MYPN: variants seen among roughly 807,000 people sequenced by gnomAD.
MYPN encodes the protein myopalladin, also known as sarcomeric protein myopalladin, 145 kDa (MYOP).
A neutral mutation model predicts 129.4 loss-of-function variants in MYPN; 63 were observed. The observed-to-expected ratio is 0.49, with a 90% confidence interval of 0.40 to 0.60. The LOEUF is 0.60. MYPN is among the 20% of genes least tolerant of loss of function. MYPN has a pLI of 0.00. For synonymous variants in MYPN, 629 were observed against 600.9 expected, an observed-to-expected ratio of 1.05 and a Z score of -0.68; for missense variants, 1,596 against 1,635.4, an observed-to-expected ratio of 0.98 and a Z score of 0.42.
chr10:68,098,328 C>T (rs1213677043), intron 1 of MYPN, among the ~76,000 whole-genome samples: 1 of 152,070 alleles, frequency 6.6e-6, no homozygotes, highest in Non-Finnish European at 1.5e-5. Context: ...CTGATCGTGG[C>T]ACTTGGAAAC....
intron 2 of MYPN, among the ~76,000 whole-genome samples, chr10:68,132,859 G>T (rs1235533208): frequency 2.0e-5 from 3 of 152,108 alleles, no homozygotes; most frequent in Admixed American, 6.5e-5. Context: ...AGTAAGAGCA[G>T]TTTGACAGGG....
chr10:68,189,125 A>G lies in MYPN; in HGVS notation c.2924A>G (p.Lys975Arg), dbSNP rs200507694. The change falls in exon 13 of 20, where the codon AAG (lysine) becomes AGG (arginine). Residue 975 changes from lysine to arginine, a missense_variant and splice_region_variant. Coordinates refer to ENST00000358913, the MANE Select transcript of MYPN (RefSeq NM_032578.4). ...TCKIVGIPVPKVYWFKDGKQI... is the reference protein window; with the variant it reads ...TCKIVGIPVPRVYWFKDGKQI... Reference sequence around the variant, plus strand: ...AAAATTGTTGGGATACCTGTTCCAAAGGTAGGGAAGATGACAAGCCAGTTG... The same window carrying G: ...AAAATTGTTGGGATACCTGTTCCAAGGGTAGGGAAGATGACAAGCCAGTTG... The G allele has an allele frequency of 1.1e-5, 17 of 1,612,720 alleles. No individual in the cohort carries two copies. Among genetic ancestry groups the G allele is most frequent in the African/African-American group, 1.3e-5 (1 of 74,910 alleles).
chr10:68,148,501 C>T, intron 5 of MYPN, 34 bp downstream of exon 5: 3 of 1,535,192 alleles, frequency 2.0e-6, no homozygotes, highest in Non-Finnish European at 1.8e-6. Flanking sequence ...AAGTGCCATC[C>T]ACTGTGACAG....
In MYPN at chr10:68,201,956, A is replaced by G; in HGVS notation, c.3621A>G (p.Lys1207=). ...CCCCACCTGTGTTCTACTGGAAGAAAGACAATGAGACCATCCCTTGCACCA... is the reference window on the plus strand; with the variant it reads ...CCCCACCTGTGTTCTACTGGAAGAAGGACAATGAGACCATCCCTTGCACCA... ...GMPPPVFYWK[K]DNETIPCTRE... Residue 1207 remains lysine, a synonymous_variant, in exon 18 of 20, where the codon AAA becomes AAG. Transcript: ENST00000358913. 3.7e-6 allele frequency: 6 copies of G among 1,614,102 alleles called. No individual in the cohort carries two copies. The highest frequency in any genetic ancestry group is 5.1e-6 in the Non-Finnish European group (6 of 1,180,004).
At chr10:68,122,382 C>A in intron 2 of MYPN, 42 bp downstream of exon 2, 1 of 1,595,262 alleles carries the variant, frequency 6.3e-7, no homozygotes, top group South Asian at 1.1e-5. Context: ...TGTTGCTTTC[C>A]ATCTACCATG....
chr10:68,121,965 G>T lies in MYPN; in HGVS notation c.527G>T (p.Arg176Leu). 2 of 1,614,146 alleles carry T rather than the reference G, an allele frequency of 1.2e-6. No individual in the cohort carries two copies. The highest frequency in any genetic ancestry group is 1.7e-6 in the Non-Finnish European group (2 of 1,180,034). ...KSHSSKRIRP[R>L]ACKNHKSKLE... Reference sequence around the variant, plus strand: ...CACAGCTCCAAAAGGATTAGACCTCGTGCCTGCAAAAACCACAAGAGTAAA... The same window carrying T: ...CACAGCTCCAAAAGGATTAGACCTCTTGCCTGCAAAAACCACAAGAGTAAA... The change falls in exon 2 of 20, where the codon CGT becomes CTT. Residue 176 changes from arginine (R) to leucine (L), a missense_variant. Coordinates refer to ENST00000358913, the MANE Select transcript of MYPN (RefSeq NM_032578.4).
In MYPN at chr10:68,210,745, C is replaced by T. The variant is rs150489652; in HGVS notation, c.*290C>T. 1.6e-3 allele frequency: 856 copies of T among 520,526 alleles called. 7 individuals are homozygous for T. The highest frequency in any genetic ancestry group is 0.015 in the African/African-American group (763 of 52,608). 32.2% of individuals were successfully genotyped at this position (520,526 alleles called of 1,614,324 possible). A position where few individuals can be genotyped will look rare whatever the true frequency, so the allele number is the denominator to read the frequency against. ...TGCTTTGGGAAAAAACTAGCATGCT[C>T]CCCTGCTCCCTGTTGTGTTAGGGAT... On this transcript the variant is annotated 3_prime_UTR_variant, in exon 20 of 20. Transcript: ENST00000358913.
intron 6 of MYPN, among the ~76,000 whole-genome samples, chr10:68,156,728 T>G (rs1212151754): frequency 6.6e-6 from 1 of 152,214 alleles, no homozygotes; most frequent in African/African-American, 2.4e-5. Flanking sequence ...AGACAAGAAC[T>G]GTAAAAAATA....
chr10:68,194,206 A>T lies in MYPN; in HGVS notation c.2926-157A>T, dbSNP rs2043564175. ...GTACGAGTGGAGGGGCATATTATACAGCCATTTTTAATATGTTTTATAACT... is the reference window on the plus strand; with the variant it reads ...GTACGAGTGGAGGGGCATATTATACTGCCATTTTTAATATGTTTTATAACT... On this transcript the variant is annotated intron_variant, in intron 13 of 19. Transcript: ENST00000358913. Among the ~76,000 whole-genome samples the T allele has an allele frequency of 2.0e-5, 3 of 152,288 alleles. No individual in the cohort carries two copies. In the South Asian group the frequency reaches 6.2e-4, roughly 32 times the overall value.
chr10:68,200,850 C>T (rs919376643), intron 17 of MYPN, among the ~76,000 whole-genome samples: 9 of 152,066 alleles, frequency 5.9e-5, no homozygotes, highest in Admixed American at 6.6e-5. Context: ...CTTTTTCCTT[C>T]CCTCACTTTT....
intron 18 of MYPN, 123 bp from the exon 19 acceptor site, chr10:68,206,647 A>C: frequency 7.6e-7 from 1 of 1,323,536 alleles, no homozygotes. Context: ...GACGTCTTCC[A>C]CCTTCAAATT....
chr10:68,115,163 G>T (rs1456941804), intron 1 of MYPN, among the ~76,000 whole-genome samples: 1 of 151,460 alleles, frequency 6.6e-6, no homozygotes, highest in Non-Finnish European at 1.5e-5. Context: ...GGAGGCTGAG[G>T]CAGGTGAGTT....
chr10:68,206,907 A>C lies in MYPN; in HGVS notation c.3793+4A>C. 1 of 1,614,146 alleles carries C rather than the reference A, an allele frequency of 6.2e-7. No individual in the cohort carries two copies. The highest frequency in any genetic ancestry group is 1.7e-4 in the Middle Eastern group (1 of 6,056). ...ACTGCCAGGCTGGATATATACGGTA[A>C]GTGTAATGCTGTTAGTTGAACATCT... On this transcript the variant is annotated splice_donor_region_variant and intron_variant, in intron 19 of 19. Transcript: ENST00000358913.
rs141031460 is a variant in MYPN at position 68,161,735 on chromosome 10, G to A, written c.1466G>A (p.Arg489Gln). ...PDFRILQKKP[R>Q]SMAEPEEICT... The stretch of plus-strand genomic sequence containing the variant: ...TTACTTTCTTTTCTTTTAGAACCTC[G>A]ATCCATGGCAGAGCCAGGTAAAGAT... The change falls in exon 8 of 20, where the codon CGA (arginine) becomes CAA (glutamine). Residue 489 changes from arginine (R) to glutamine (Q), a missense_variant. Physicochemically the swap from Arg to Gln is conservative, Grantham distance 43. Transcript: ENST00000358913. 141 of 1,610,950 alleles carry A rather than the reference G, an allele frequency of 8.8e-5. No homozygotes were observed. Among genetic ancestry groups the A allele is most frequent in the Middle Eastern group, 5.0e-4 (3 of 6,036 alleles).
rs769175475 is a variant in MYPN at position 68,150,066 on chromosome 10, G to A, written c.1272G>A (p.Gln424=). Reference sequence around the variant, plus strand: ...GTCAGAGCCCCACCAATTACTTGCAGGGATTGGATGGAAAACCTATCATTG... The same window carrying A: ...GTCAGAGCCCCACCAATTACTTGCAAGGATTGGATGGAAAACCTATCATTG... ...QQCQSPTNYL[Q]GLDGKPIIAA... The change falls in exon 6 of 20, where the codon CAG becomes CAA. Residue 424 remains glutamine (Q), a synonymous_variant. Transcript: ENST00000358913. The A allele has an allele frequency of 4.3e-6, 7 of 1,613,914 alleles. 1 individual carries two copies. In the Admixed American group the frequency reaches 1.0e-4, roughly 23 times the overall value.
chr10:68,132,907 G>A (rs1299984430), intron 2 of MYPN, among the ~76,000 whole-genome samples: 1 of 152,014 alleles, frequency 6.6e-6, no homozygotes. Flanking sequence ...TAGTTTAGCA[G>A]TGAAAAGGGC....
chr10:68,184,093 T>C (rs150079714), intron 12 of MYPN, among the ~76,000 whole-genome samples: 2 of 152,324 alleles, frequency 1.3e-5, no homozygotes, highest in East Asian at 3.9e-4. Flanking sequence ...ACTCCCTTTA[T>C]TTTATTCTAT....
chr10:68,128,939 G>A (rs1036058710), intron 2 of MYPN, among the ~76,000 whole-genome samples: 1 of 151,958 alleles, frequency 6.6e-6, no homozygotes, highest in Non-Finnish European at 1.5e-5. Flanking sequence ...AAGAGTGAGG[G>A]GGAAATGGTT....
At chr10:68,108,279 A>C (rs2042036474), upstream of MYPN, among the ~76,000 whole-genome samples, 1 of 152,218 alleles carries the variant, frequency 6.6e-6, no homozygotes, top group Non-Finnish European at 1.5e-5. Flanking sequence ...AAAAAGGTGT[A>C]ATTAAACCTC....
Sources: allele counts gnomAD v4.1 joint callset (sites outside exome capture counted in the v4.1 genomes callset), GRCh38; gene constraint gnomAD v4.1.1; transcripts MANE v1.5; gene names NCBI Gene and HGNC (gene_info 2026-07-23, HGNC 2026-07-21).